Variants in STX8 observed in about 807,000 individuals in gnomAD.
STX8 encodes the protein syntaxin-8.
Under a neutral mutation model 37.5 loss-of-function variants are expected in STX8, and 23 were observed. The observed-to-expected ratio is 0.61, with a 90% CI of 0.44 to 0.87. The LOEUF (loss-of-function observed/expected upper bound fraction) is 0.87, where lower values mean the gene tolerates loss of function less well. STX8 is among the 40% of genes least tolerant of loss of function. The pLI, the probability that STX8 is intolerant of heterozygous loss-of-function variation, is 0.00. For synonymous variants in STX8, 115 were observed against 99.1 expected (o/e 1.16, Z -0.95); for missense variants, 313 against 284.7 (o/e 1.10, Z -0.71).
intron 7 of STX8, among the ~76,000 whole-genome samples, chr17:9,268,043 G>T (rs1047380997): frequency 2.0e-5 from 3 of 151,312 alleles, no homozygotes; most frequent in African/African-American, 4.9e-5. Context: ...TCAATGAAAG[G>T]CCATTCAGAT....
intron 7 of STX8, among the ~76,000 whole-genome samples, chr17:9,279,295 G>T (rs958199691): frequency 6.6e-6 from 1 of 152,000 alleles, no homozygotes; most frequent in African/African-American, 2.4e-5. Flanking sequence ...GACCTCAGGT[G>T]ATCCACCCAC....
intron 4 of STX8, among the ~76,000 whole-genome samples, chr17:9,537,973 G>C (rs1906126695): frequency 6.6e-6 from 1 of 152,120 alleles, no homozygotes; most frequent in South Asian, 2.1e-4. Flanking sequence ...TGTAGTTTTG[G>C]TTTTACCACT....
intron 7 of STX8, among the ~76,000 whole-genome samples, chr17:9,286,357 C>T (rs1908071354): frequency 6.6e-6 from 1 of 152,156 alleles, no homozygotes; most frequent in Admixed American, 6.6e-5. Context: ...ATTATTTTGG[C>T]TTTGGGAGAC....
At chr17:9,432,506 A>G (rs1485078354) in intron 6 of STX8, among the ~76,000 whole-genome samples, 1 of 152,188 alleles carries the variant, frequency 6.6e-6, no homozygotes, top group Admixed American at 6.5e-5. Context: ...CGGAAGAAAA[A>G]AAAAATGCCC....
intron 7 of STX8, among the ~76,000 whole-genome samples, chr17:9,328,207 T>C (rs927132124): frequency 6.6e-6 from 1 of 152,266 alleles, no homozygotes; most frequent in South Asian, 2.1e-4. Context: ...AAGGTGGTGA[T>C]AGGTTAGAGT....
intron 7 of STX8, among the ~76,000 whole-genome samples, chr17:9,359,121 C>A (rs1485607534): frequency 6.6e-6 from 1 of 151,626 alleles, no homozygotes; most frequent in Non-Finnish European, 1.5e-5. Context: ...TGGCTCACTG[C>A]AACCTCCATC....
chr17:9,414,783 C>CTTTTTT (rs10552538), intron 6 of STX8, among the ~76,000 whole-genome samples: 135 of 57,428 alleles, frequency 2.4e-3, no homozygotes, highest in East Asian at 3.3e-3. Flanking sequence ...CTGAGTTCTG[C>CTTTTTT]TTTTTTTTTT....
At chr17:9,253,211 T>G (rs1248068492) in intron 7 of STX8, among the ~76,000 whole-genome samples, 2 of 140,782 alleles carry the variant, frequency 1.4e-5, no homozygotes, top group Admixed American at 1.4e-4. Flanking sequence ...GGTAGGGGTG[T>G]GTGTGTGTGT....
chr17:9,575,692 G>T, intron 1 of STX8, 100 bp downstream of exon 1: 2 of 1,436,464 alleles, frequency 1.4e-6, no homozygotes, highest in Non-Finnish European at 9.5e-7. Context: ...CCCTCATCCC[G>T]AAAGGCCACC....
chr17:9,491,225 C>T (rs569757404), intron 6 of STX8, among the ~76,000 whole-genome samples: 7 of 152,292 alleles, frequency 4.6e-5, no homozygotes, highest in East Asian at 1.9e-4. Context: ...TCATCCTTAA[C>T]GTAAAATCAC....
At chr17:9,307,912 C>T in intron 7 of STX8, among the ~76,000 whole-genome samples, 1 of 152,160 alleles carries the variant, frequency 6.6e-6, no homozygotes, top group East Asian at 1.9e-4. Flanking sequence ...TCACTCTCTC[C>T]CTTCTCCCTT....
intron 7 of STX8, among the ~76,000 whole-genome samples, chr17:9,274,686 A>ATAATAG (rs1458530306): frequency 8.0e-6 from 1 of 125,632 alleles, no homozygotes. Flanking sequence ...AAAAATAATA[A>ATAATAG]TAATAATAAT....
At chr17:9,526,695 C>T (rs1337813939) in intron 4 of STX8, among the ~76,000 whole-genome samples, 1 of 151,966 alleles carries the variant, frequency 6.6e-6, no homozygotes, top group Admixed American at 6.6e-5. Flanking sequence ...CATGGTGAAA[C>T]CCTGTCTCTA....
At chr17:9,425,813 G>GCA (rs1427805566) in intron 6 of STX8, among the ~76,000 whole-genome samples, 1 of 152,140 alleles carries the variant, frequency 6.6e-6, no homozygotes, top group East Asian at 1.9e-4. Context: ...CAGATCCCTA[G>GCA]CACATATTGG....
intron 6 of STX8, among the ~76,000 whole-genome samples, chr17:9,398,955 A>G (rs1357692280): frequency 6.6e-6 from 1 of 150,560 alleles, no homozygotes. Context: ...AGGTGGAGGC[A>G]TGAGAATCGC....
chr17:9,308,883 C>T (rs1428799901), intron 7 of STX8, among the ~76,000 whole-genome samples: 2 of 152,130 alleles, frequency 1.3e-5, no homozygotes, highest in South Asian at 2.1e-4. Flanking sequence ...TTTGGGGTAT[C>T]GTTTGCAAAG....
intron 7 of STX8, among the ~76,000 whole-genome samples, chr17:9,344,122 C>T (rs1910456166): frequency 6.6e-6 from 1 of 152,056 alleles, no homozygotes; most frequent in South Asian, 2.1e-4. Context: ...CAGGATGCTT[C>T]CTTGCATATA....
chr17:9,366,377 A>G (rs1011518878), intron 7 of STX8, among the ~76,000 whole-genome samples: 1 of 152,136 alleles, frequency 6.6e-6, no homozygotes, highest in African/African-American at 2.4e-5. Context: ...GACTACAGGC[A>G]TGTACCGCCA....
At chr17:9,411,743 T>C (rs948601416) in intron 6 of STX8, among the ~76,000 whole-genome samples, 6 of 152,238 alleles carry the variant, frequency 3.9e-5, no homozygotes, top group Non-Finnish European at 5.9e-5. Flanking sequence ...AACTTGGGTG[T>C]ACAAGATGAT....
Sources: allele counts gnomAD v4.1 joint callset (sites outside exome capture counted in the v4.1 genomes callset), GRCh38; gene constraint gnomAD v4.1.1; transcripts MANE v1.5; gene names NCBI Gene and HGNC (gene_info 2026-07-23, HGNC 2026-07-21).